The following APBA2 variants were observed in gnomAD, a reference collection of about 807,000 sequenced individuals.
APBA2 encodes amyloid-beta A4 precursor protein-binding family A member 2.
In APBA2, 30 loss-of-function variants were observed where a neutral mutation model predicts 75.0. The observed-to-expected ratio is 0.40, with a 90% confidence interval of 0.30 to 0.54. The LOEUF (loss-of-function observed/expected upper bound fraction) is 0.54, where lower values mean the gene tolerates loss of function less well. Among genes scored for constraint, APBA2 ranks in the 20% least tolerant of loss-of-function variants. APBA2 has a pLI of 0.49. For missense variants in APBA2, 801 were observed against 1,016.1 expected, an observed-to-expected ratio of 0.79 and a Z score of 2.88; for synonymous variants, 444 against 409.6, an observed-to-expected ratio of 1.08 and a Z score of -1.01.
At chr15:29,093,937 G>T (rs914555131) in intron 7 of APBA2, among the ~76,000 whole-genome samples, 1 of 152,226 alleles carries the variant, frequency 6.6e-6, no homozygotes, top group African/African-American at 2.4e-5. Flanking sequence ...AGCCCTGCTG[G>T]CCAGTGCCTC....
At chr15:28,908,936 T>C (rs1446177391) in intron 1 of APBA2, among the ~76,000 whole-genome samples, 3 of 151,794 alleles carry the variant, frequency 2.0e-5, no homozygotes, top group Non-Finnish European at 4.4e-5. Flanking sequence ...CATTAAACAC[T>C]AACTCCTCCT....
intron 2 of APBA2, among the ~76,000 whole-genome samples, chr15:28,930,715 TC>T (rs943305722): frequency 4.6e-5 from 7 of 152,174 alleles, no homozygotes; most frequent in African/African-American, 1.7e-4. Context: ...CACTTGGACT[TC>T]CTGTCTCCAG....
At chr15:29,091,110 C>A (rs144531847) in intron 6 of APBA2, among the ~76,000 whole-genome samples, 3 of 152,154 alleles carry the variant, frequency 2.0e-5, no homozygotes, top group Admixed American at 2.0e-4. Context: ...ACAGGGGTTC[C>A]TCCCCTGGTG....
At chr15:29,023,611 A>C (rs963771353) in intron 3 of APBA2, among the ~76,000 whole-genome samples, 7 of 151,134 alleles carry the variant, frequency 4.6e-5, no homozygotes, top group African/African-American at 1.5e-4. Flanking sequence ...GTCCGCCCCC[A>C]TGCTTGACTA....
chr15:28,912,084 C>G (rs1457156786), intron 1 of APBA2, among the ~76,000 whole-genome samples: 2 of 152,184 alleles, frequency 1.3e-5, no homozygotes, highest in Admixed American at 6.5e-5. Context: ...TCAGTTCCCT[C>G]TAATAGCATA....
intron 3 of APBA2, among the ~76,000 whole-genome samples, chr15:29,030,241 C>T (rs2040420842): frequency 6.6e-6 from 1 of 152,088 alleles, no homozygotes; most frequent in Non-Finnish European, 1.5e-5. Flanking sequence ...AGGCGGATCA[C>T]GAAATCGGGG....
intron 2 of APBA2, among the ~76,000 whole-genome samples, chr15:28,989,669 C>T (rs1382950617): frequency 6.6e-6 from 1 of 152,196 alleles, no homozygotes; most frequent in Non-Finnish European, 1.5e-5. Context: ...AGGCTCCTCA[C>T]AGCAAAAATA....
At chr15:28,990,053 C>T (rs986562543) in intron 2 of APBA2, among the ~76,000 whole-genome samples, 3 of 152,172 alleles carry the variant, frequency 2.0e-5, no homozygotes, top group Non-Finnish European at 4.4e-5. Context: ...CTACCTGATG[C>T]TGTGGGCTGC....
At chr15:29,058,577 G>T (rs1406695702) in intron 4 of APBA2, among the ~76,000 whole-genome samples, 1 of 152,134 alleles carries the variant, frequency 6.6e-6, no homozygotes, top group Non-Finnish European at 1.5e-5. Context: ...GGCCTTTGGA[G>T]CCCTCCTGAG....
chr15:29,022,233 G>C (rs2039988949), intron 3 of APBA2, among the ~76,000 whole-genome samples: 1 of 152,124 alleles, frequency 6.6e-6, no homozygotes, highest in African/African-American at 2.4e-5. Flanking sequence ...TTCCATAATA[G>C]TGATACCAAT....
At chr15:28,978,027 G>C (rs1027800028) in intron 2 of APBA2, among the ~76,000 whole-genome samples, 1 of 152,152 alleles carries the variant, frequency 6.6e-6, no homozygotes. Context: ...AGCCAAACAT[G>C]GGGAAAACCA....
chr15:28,969,880 T>C (rs2036973116), intron 2 of APBA2, among the ~76,000 whole-genome samples: 1 of 152,240 alleles, frequency 6.6e-6, no homozygotes, highest in African/African-American at 2.4e-5. Context: ...CGCCTACTCA[T>C]GGAGCCTGCC....
At chr15:28,887,994 G>T (rs2031870154) in intron 1 of APBA2, among the ~76,000 whole-genome samples, 1 of 152,178 alleles carries the variant, frequency 6.6e-6, no homozygotes, top group Non-Finnish European at 1.5e-5. Context: ...GTGAGCAGGA[G>T]AGTTGGGTGG....
chr15:28,989,919 A>G lies in APBA2; in HGVS notation c.-94-5834A>G, dbSNP rs556854769. ...CCAGTTCTTAATACCTCAGTGTCAC[A>G]CTGTTCCCTGATTTCTCAAAGCCAG... On this transcript the variant is annotated intron_variant, in intron 2 of 14. Coordinates refer to ENST00000683413, the MANE Select transcript of APBA2 (RefSeq NM_001353788.2). Among the ~76,000 whole-genome samples the G allele has an allele frequency of 9.2e-5, 14 of 152,262 alleles. No homozygotes were observed. In the South Asian group the frequency reaches 2.9e-3, roughly 32 times the overall value.
At chr15:29,088,263 C>T (rs1273251237) in intron 6 of APBA2, among the ~76,000 whole-genome samples, 3 of 152,148 alleles carry the variant, frequency 2.0e-5, no homozygotes, top group Admixed American at 1.3e-4. Context: ...TTCATCCTGC[C>T]CCCTTGCCCA....
At chr15:29,103,900 ACT>A (rs1239769303) in intron 10 of APBA2, among the ~76,000 whole-genome samples, 1 of 152,064 alleles carries the variant, frequency 6.6e-6, no homozygotes, top group Non-Finnish European at 1.5e-5. Context: ...CAGCTCGCCA[ACT>A]CCGCAGGCCA....
At chr15:28,960,685 A>C (rs879481879) in intron 2 of APBA2, among the ~76,000 whole-genome samples, 13 of 151,776 alleles carry the variant, frequency 8.6e-5, no homozygotes, top group African/African-American at 2.2e-4. Context: ...AGCTTTGCCC[A>C]CGTCAGAGCC....
intron 3 of APBA2, among the ~76,000 whole-genome samples, chr15:29,043,163 G>A (rs2152866402): frequency 6.6e-6 from 1 of 152,312 alleles, no homozygotes; most frequent in African/African-American, 2.4e-5. Context: ...TTCAGGCGTG[G>A]ACTACATTGT....
intron 7 of APBA2, 134 bp from the exon 8 acceptor site, chr15:29,094,144 T>C (rs1489555403): frequency 7.7e-6 from 7 of 904,940 alleles, no homozygotes; most frequent in Non-Finnish European, 1.3e-5. Flanking sequence ...GCAATGGCTG[T>C]CCACCCGTCC....
Sources: gnomAD v4.1 joint callset for allele counts (sites outside exome capture counted in the v4.1 genomes callset) on GRCh38, gnomAD v4.1.1 for gene constraint, MANE v1.5 for transcripts, NCBI Gene and HGNC (gene_info 2026-07-23, HGNC 2026-07-21) for gene names.